The following CALN1 variants were observed in gnomAD, a reference collection of about 807,000 sequenced individuals.
The protein encoded by CALN1 is calcium-binding protein 8.
Under a neutral mutation model 30.6 loss-of-function variants are expected in CALN1, and 17 were observed. That is an observed-to-expected ratio of 0.56 (90% CI 0.38 to 0.83). The LOEUF is 0.83. Ranked by LOEUF, CALN1 falls within the 40% of genes least tolerant of loss-of-function variation. The pLI is 0.00. For missense variants in CALN1, 291 were observed against 354.9 expected (o/e 0.82, Z 1.45); for synonymous variants, 156 against 131.4 (o/e 1.19, Z -1.28).
At chr7:72,047,173 A>G (rs1018391926) in intron 4 of CALN1, among the ~76,000 whole-genome samples, 1 of 152,178 alleles carries the variant, frequency 6.6e-6, no homozygotes, top group African/African-American at 2.4e-5. Flanking sequence ...ACTCCTCCAA[A>G]TTATTCACTA....
intron 2 of CALN1, among the ~76,000 whole-genome samples, chr7:72,345,073 G>A (rs1049553455): frequency 1.4e-5 from 2 of 147,892 alleles, no homozygotes. Context: ...ATTCATGCAT[G>A]TTATGTATAA....
intron 3 of CALN1, among the ~76,000 whole-genome samples, chr7:72,181,110 C>CAA (rs35789886): frequency 1.0e-4 from 3 of 28,640 alleles, no homozygotes; most frequent in East Asian, 8.8e-4. Context: ...CCCCCCCCCC[C>CAA]AAAAAAAAAA....
chr7:71,825,165 G>A (rs1788838240), intron 5 of CALN1, among the ~76,000 whole-genome samples: 2 of 152,112 alleles, frequency 1.3e-5, no homozygotes, highest in African/African-American at 4.8e-5. Context: ...AGATGTGAAG[G>A]GCAGGAGACA....
intron 1 of CALN1, among the ~76,000 whole-genome samples, chr7:72,445,842 G>A (rs1808509759): frequency 6.6e-6 from 1 of 152,136 alleles, no homozygotes; most frequent in African/African-American, 2.4e-5. Flanking sequence ...TCATGGAAAT[G>A]GTTCAGAACT....
the CALN1 span, among the ~76,000 whole-genome samples, chr7:72,474,118 A>C: frequency 6.6e-6 from 1 of 152,174 alleles, no homozygotes; most frequent in Non-Finnish European, 1.5e-5. Flanking sequence ...ACCAGCAGAA[A>C]TCAATTGCAT....
chr7:72,444,537 A>G (rs1808461052), intron 1 of CALN1, among the ~76,000 whole-genome samples: 1 of 152,174 alleles, frequency 6.6e-6, no homozygotes, highest in Non-Finnish European at 1.5e-5. Flanking sequence ...TGTTGTTTCC[A>G]CGCCATGCCA....
chr7:72,177,480 T>C (rs956049501), intron 3 of CALN1, among the ~76,000 whole-genome samples: 7 of 151,948 alleles, frequency 4.6e-5, no homozygotes, highest in Non-Finnish European at 8.8e-5. Flanking sequence ...AATAGGACAT[T>C]TGGGCGGGGC....
rs1794743105 is a variant in CALN1 at position 71,917,589 on chromosome 7, C to A, written c.501+106068G>T. On this transcript the variant is annotated intron_variant, in intron 5 of 6. Coordinates refer to ENST00000395275, the MANE Select transcript of CALN1 (RefSeq NM_031468.4). The stretch of plus-strand genomic sequence containing the variant: ...TCACAGTTCTGCATGGCTGGGGAGG[C>A]CTCAGGAAACTTACAATCATGGCGG... Among the ~76,000 whole-genome samples the A allele has an allele frequency of 1.3e-5, 2 of 152,102 alleles. 1 individual carries two copies. Among genetic ancestry groups the A allele is most frequent in the South Asian group, 4.2e-4 (2 of 4,810 alleles).
the CALN1 span, among the ~76,000 whole-genome samples, chr7:72,476,267 C>T: frequency 6.6e-6 from 1 of 152,086 alleles, no homozygotes; most frequent in African/African-American, 2.4e-5. Flanking sequence ...TCTTACATGC[C>T]GCCACGTAAG....
intron 1 of CALN1, among the ~76,000 whole-genome samples, chr7:72,423,155 T>C (rs1807672284): frequency 6.6e-6 from 1 of 152,090 alleles, no homozygotes; most frequent in Non-Finnish European, 1.5e-5. Context: ...ATCTTATCAT[T>C]TCATCTTATC....
intron 2 of CALN1, among the ~76,000 whole-genome samples, chr7:72,317,356 C>T (rs1354469418): frequency 6.6e-6 from 1 of 152,174 alleles, no homozygotes; most frequent in Admixed American, 6.5e-5. Flanking sequence ...GCAGTTTTCT[C>T]CTGGGGAAAT....
chr7:72,056,929 TTTGTTGTTG>T (rs759387324), intron 4 of CALN1, among the ~76,000 whole-genome samples: 1 of 152,020 alleles, frequency 6.6e-6, no homozygotes, highest in Non-Finnish European at 1.5e-5. Context: ...TTATTTCATT[TTTGTTGTTG>T]TTGTTGTTTT....
chr7:72,238,594 G>C lies in CALN1; in HGVS notation c.244+40092C>G, dbSNP rs562005105. Among the ~76,000 whole-genome samples the C allele has an allele frequency of 4.8e-5, 6 of 124,916 alleles. No individual in the cohort carries two copies. The East Asian group carries it at 1.2e-3, about 26-fold the overall frequency. The allele number at this position is 124,916 out of a possible 152,430, so 81.9% of individuals were successfully genotyped here. ...ATGTCATGGGAGGGACCCAGTGGGA[G>C]GTAATTGAATCACAGGGAGGGTTAG... On this transcript the variant is annotated intron_variant, in intron 3 of 6. Coordinates refer to ENST00000395275, the MANE Select transcript of CALN1 (RefSeq NM_031468.4).
chr7:72,288,166 G>T (rs1798226236), intron 2 of CALN1, among the ~76,000 whole-genome samples: 1 of 152,062 alleles, frequency 6.6e-6, no homozygotes. Context: ...GCCTGACCGG[G>T]GCTGGAGGAT....
chr7:72,023,022 C>G (rs1800797725), intron 5 of CALN1, among the ~76,000 whole-genome samples: 1 of 150,984 alleles, frequency 6.6e-6, no homozygotes, highest in African/African-American at 2.4e-5. Flanking sequence ...TGACAGACAA[C>G]TTACGTGATT....
intron 5 of CALN1, among the ~76,000 whole-genome samples, chr7:71,941,616 C>G (rs915844815): frequency 3.3e-5 from 5 of 152,150 alleles, no homozygotes; most frequent in African/African-American, 1.2e-4. Flanking sequence ...ATGGTATACA[C>G]TTGACAACCA....
intron 3 of CALN1, among the ~76,000 whole-genome samples, chr7:72,224,770 G>C (rs535552600): frequency 1.3e-5 from 2 of 151,408 alleles, no homozygotes; most frequent in South Asian, 2.1e-4. Flanking sequence ...AACACCGTGA[G>C]ACCCTGTCAA....
At chr7:72,165,330 G>A (rs573316881) in intron 3 of CALN1, among the ~76,000 whole-genome samples, 16 of 152,204 alleles carry the variant, frequency 1.1e-4, no homozygotes, top group South Asian at 2.1e-4. Flanking sequence ...AAGCCGAGGC[G>A]GGCAGATCAA....
chr7:72,471,446 C>T, the CALN1 span, among the ~76,000 whole-genome samples: 1 of 152,196 alleles, frequency 6.6e-6, no homozygotes, highest in Admixed American at 6.5e-5. Context: ...ATGCACCTCC[C>T]CTGGGGGAAC....
Sources: allele counts gnomAD v4.1 joint callset (sites outside exome capture counted in the v4.1 genomes callset), GRCh38; gene constraint gnomAD v4.1.1; transcripts MANE v1.5; gene names NCBI Gene and HGNC (gene_info 2026-07-23, HGNC 2026-07-21).